MRPL13: variants seen among roughly 807,000 people sequenced by gnomAD.
MRPL13 encodes mitochondrial ribosomal protein L13.
MRPL13 carries 33 observed loss-of-function variants against 29.0 expected under a neutral mutation model. The observed-to-expected ratio is 1.14, with a 90% confidence interval of 0.86 to 1.52. MRPL13 has a LOEUF of 1.52. MRPL13 is among the 40% of genes most tolerant of loss of function. The pLI, the probability that MRPL13 is intolerant of heterozygous loss-of-function variation, is 0.00. For synonymous variants in MRPL13, 77 were observed against 68.4 expected, an observed-to-expected ratio of 1.13 and a Z score of -0.62; for missense variants, 227 against 216.7, an observed-to-expected ratio of 1.05 and a Z score of -0.30.
At chr8:120,426,578 C>A (rs1223429713) in intron 3 of MRPL13, among the ~76,000 whole-genome samples, 2 of 152,036 alleles carry the variant, frequency 1.3e-5, no homozygotes, top group Non-Finnish European at 2.9e-5. Context: ...CTAAAACATA[C>A]CATTTACAAT....
intron 2 of MRPL13, among the ~76,000 whole-genome samples, chr8:120,435,099 T>C (rs1813038389): frequency 6.6e-6 from 1 of 152,192 alleles, no homozygotes; most frequent in African/African-American, 2.4e-5. Context: ...ATTTGCTTTA[T>C]AATCCTTTTC....
chr8:120,430,126 G>A (rs891816467), intron 3 of MRPL13, among the ~76,000 whole-genome samples: 9 of 152,096 alleles, frequency 5.9e-5, no homozygotes, highest in African/African-American at 2.2e-4. Context: ...GCTGGGCATG[G>A]TGGTGCACAC....
At chr8:120,416,759 C>T (rs1812808492) in intron 5 of MRPL13, among the ~76,000 whole-genome samples, 1 of 152,126 alleles carries the variant, frequency 6.6e-6, no homozygotes, top group Non-Finnish European at 1.5e-5. Context: ...TATACAAACA[C>T]TTTTTGGATG....
At chr8:120,408,937 T>G (rs1283756769) in intron 6 of MRPL13, among the ~76,000 whole-genome samples, 1 of 152,190 alleles carries the variant, frequency 6.6e-6, no homozygotes, top group Non-Finnish European at 1.5e-5. Context: ...GGAATCCAGC[T>G]TTTCTTTTAC....
intron 6 of MRPL13, among the ~76,000 whole-genome samples, chr8:120,409,401 A>G (rs61538039): frequency 0.056 from 8,563 of 152,242 alleles, 486 homozygotes; most frequent in African/African-American, 0.14. Flanking sequence ...TTCCCTTACA[A>G]TGAGCATGAT....
At chr8:120,431,269 A>C (rs749737776) in intron 3 of MRPL13, among the ~76,000 whole-genome samples, 9 of 152,198 alleles carry the variant, frequency 5.9e-5, no homozygotes, top group Non-Finnish European at 1.0e-4. Context: ...CTTGAGTAAC[A>C]GTATAGAAAG....
chr8:120,425,589 A>G (rs887492050), intron 3 of MRPL13, among the ~76,000 whole-genome samples: 1 of 152,182 alleles, frequency 6.6e-6, no homozygotes, highest in Non-Finnish European at 1.5e-5. Context: ...GGAAAAATTT[A>G]TTGGCATAAG....
intron 6 of MRPL13, among the ~76,000 whole-genome samples, chr8:120,405,323 T>G (rs1318819853): frequency 6.6e-6 from 1 of 152,112 alleles, no homozygotes; most frequent in East Asian, 1.9e-4. Context: ...ACAACGAAAT[T>G]CAAGGTAATA....
intron 6 of MRPL13, among the ~76,000 whole-genome samples, chr8:120,406,257 A>G (rs2130454515): frequency 6.6e-6 from 1 of 152,342 alleles, no homozygotes; most frequent in East Asian, 1.9e-4. Flanking sequence ...AATACAAAGT[A>G]TCCAAAATTG....
chr8:120,406,909 G>A (rs375097770), intron 6 of MRPL13, among the ~76,000 whole-genome samples: 1 of 152,038 alleles, frequency 6.6e-6, no homozygotes, highest in Non-Finnish European at 1.5e-5. Flanking sequence ...AGTAACTTTC[G>A]AAAATAGTAT....
At chr8:120,414,163 C>T in intron 5 of MRPL13, 51 bp from the exon 6 acceptor site, 2 of 1,289,206 alleles carry the variant, frequency 1.6e-6, no homozygotes, top group Non-Finnish European at 1.0e-6. Context: ...TCTTTCTTAG[C>T]AATAAATTAC....
At chr8:120,403,639 T>C (rs989125929) in intron 6 of MRPL13, among the ~76,000 whole-genome samples, 1 of 152,182 alleles carries the variant, frequency 6.6e-6, no homozygotes, top group Non-Finnish European at 1.5e-5. Flanking sequence ...AAAATAAATG[T>C]TCAAGAAAAT....
At position 120,413,977 on chromosome 8, in the gene MRPL13, A is replaced by G; in HGVS notation, c.515+14T>C. 1 of 1,520,890 alleles carries G rather than the reference A, an allele frequency of 6.6e-7. No individual in the cohort carries two copies. Among genetic ancestry groups the G allele is most frequent in the Admixed American group, 2.4e-5 (1 of 42,098 alleles). The allele number at this position is 1,520,890 out of a possible 1,614,324, so 94.2% of individuals were successfully genotyped here. ...ATCAAAAGAAAAAAAAACAAGAAGA[A>G]GGGAAACACTTACGGAGTCCACAAT... is the stretch of plus-strand genomic sequence containing the variant. On this transcript the variant is annotated intron_variant, in intron 6 of 6. Coordinates refer to ENST00000306185, the MANE Select transcript of MRPL13 (RefSeq NM_014078.6).
intron 2 of MRPL13, among the ~76,000 whole-genome samples, chr8:120,435,850 G>A (rs74475566): frequency 1.3e-5 from 2 of 152,142 alleles, no homozygotes; most frequent in African/African-American, 4.8e-5. Context: ...TCTCATTGTG[G>A]TTTTGACTTA....
At chr8:120,433,872 T>C (rs1016816852) in intron 2 of MRPL13, among the ~76,000 whole-genome samples, 1 of 152,102 alleles carries the variant, frequency 6.6e-6, no homozygotes, top group Non-Finnish European at 1.5e-5. Context: ...AATTTTTAAT[T>C]TAAAACTGCA....
rs1813144599 is a variant in MRPL13 at position 120,443,232 on chromosome 8, G to A, written c.104C>T (p.Ala35Val). Reference sequence around the variant, plus strand: ...ATGTAATCCCTGAAGTCTTATAGATGCCATAGCAGCAAGTTTGCCAGGTGG... The same window carrying A: ...ATGTAATCCCTGAAGTCTTATAGATACCATAGCAGCAAGTTTGCCAGGTGG... ...MQPPGKLAAM[A>V]SIRLQGLHKP... is the part of the protein sequence containing the mutation. The change falls in exon 2 of 7, where the codon GCA becomes GTA. Residue 35 changes from alanine to valine, a missense_variant. Physicochemically the swap from Ala to Val is moderately conservative, Grantham distance 64 (BLOSUM62 0). Transcript: ENST00000306185. 2.5e-6 allele frequency: 4 copies of A among 1,609,200 alleles called. No individual in the cohort carries two copies. The highest frequency in any genetic ancestry group is 2.7e-5 in the African/African-American group (2 of 74,438).
At chr8:120,426,039 T>A (rs1251829701) in intron 3 of MRPL13, among the ~76,000 whole-genome samples, 1 of 152,120 alleles carries the variant, frequency 6.6e-6, no homozygotes, top group African/African-American at 2.4e-5. Flanking sequence ...ATCAGGCAAC[T>A]CATTTTACCT....
intron 3 of MRPL13, among the ~76,000 whole-genome samples, chr8:120,427,981 A>G (rs564285769): frequency 1.8e-4 from 28 of 152,192 alleles, no homozygotes; most frequent in African/African-American, 5.8e-4. Flanking sequence ...AACTAGAAAA[A>G]AATATTTCAA....
chr8:120,429,130 TGTA>T (rs962781900), intron 3 of MRPL13, among the ~76,000 whole-genome samples: 15 of 152,014 alleles, frequency 9.9e-5, no homozygotes, highest in African/African-American at 3.4e-4. Context: ...ATAAAGAAAA[TGTA>T]GTACATATAT....
Sources: allele counts gnomAD v4.1 joint callset (sites outside exome capture counted in the v4.1 genomes callset), GRCh38; gene constraint gnomAD v4.1.1; transcripts MANE v1.5; gene names NCBI Gene and HGNC (gene_info 2026-07-23, HGNC 2026-07-21).